Variants in E4F1 observed in about 807,000 individuals in gnomAD.
E4F1 encodes E4F transcription factor 1.
Under a neutral mutation model 72.9 loss-of-function variants are expected in E4F1, and 30 were observed. The observed-to-expected ratio is 0.41, with a 90% confidence interval of 0.31 to 0.56. E4F1 has a LOEUF of 0.56. Ranked by LOEUF, E4F1 falls within the 20% of genes least tolerant of loss-of-function variation. The pLI is 0.25. For synonymous variants in E4F1, 542 were observed against 478.2 expected, an observed-to-expected ratio of 1.13 and a Z score of -1.74; for missense variants, 1,091 against 1,117.5, an observed-to-expected ratio of 0.98 and a Z score of 0.34.
Position 2,232,287 on chromosome 16 carries a change from G to C in E4F1, c.532G>C (p.Glu178Gln), listed in dbSNP as rs755324797. 3.0e-5 allele frequency: 48 copies of C among 1,611,808 alleles called. No homozygotes were observed. The highest frequency in any genetic ancestry group is 6.7e-5 in the Admixed American group (4 of 59,874). ...QQGLGLAGEG[E>Q]QAQVKLLVNK... ...GGGGCTGGGGCTCGCAGGGGAGGGT[G>C]AGCAGGCCCAGGTGAAGCTACTGGT... The change falls in exon 4 of 14, where the codon GAG becomes CAG. Residue 178 changes from glutamate (E) to glutamine (Q), a missense_variant. Around this residue, in one of 5 missense-constraint regions of E4F1, gnomAD observed 362 missense variants for 358.6 expected, o/e 1.01. Coordinates refer to ENST00000301727, the MANE Select transcript of E4F1 (RefSeq NM_004424.5).
At position 2,233,003 on chromosome 16, in the gene E4F1, C is replaced by T. The variant is rs1297704409; in HGVS notation, c.884-8C>T. On this transcript the variant is annotated splice_polypyrimidine_tract_variant and splice_region_variant and intron_variant, in intron 6 of 13. Coordinates refer to ENST00000301727, the MANE Select transcript of E4F1 (RefSeq NM_004424.5). ...GAGGGATCTTCACTCCCTCACTCCA[C>T]CTTGAAGGTTCTGGAGCTGGAGCTG... The T allele has an allele frequency of 1.4e-5, 22 of 1,608,664 alleles. No individual in the cohort carries two copies. The highest frequency in any genetic ancestry group is 1.7e-5 in the Non-Finnish European group (20 of 1,176,408).
Position 2,234,001 on chromosome 16 carries a change from G to A in E4F1, c.1375+11G>A, listed in dbSNP as rs1274654076. 1.3e-6 allele frequency: 2 copies of A among 1,577,286 alleles called. No homozygotes were observed. The highest frequency in any genetic ancestry group is 1.7e-6 in the Non-Finnish European group (2 of 1,161,366). ...AGAGGGGCCACACCGGTAGGTGATGGGTGGGTGTGTGGCCCATGGCAGTGG... is the reference window on the plus strand; with the variant it reads ...AGAGGGGCCACACCGGTAGGTGATGAGTGGGTGTGTGGCCCATGGCAGTGG... On this transcript the variant is annotated intron_variant, in intron 9 of 13. Coordinates refer to ENST00000301727, the MANE Select transcript of E4F1 (RefSeq NM_004424.5).
intron 2 of E4F1, among the ~76,000 whole-genome samples, chr16:2,229,166 G>A (rs2093450456): frequency 6.6e-6 from 1 of 152,212 alleles, no homozygotes; most frequent in African/African-American, 2.4e-5. Flanking sequence ...CCCTCCTCCA[G>A]GAAGGCCTCT....
Position 2,234,726 on chromosome 16 carries a change from G to A in E4F1, c.1737G>A (p.Lys579=), listed in dbSNP as rs1465641400. 38 of 1,560,452 alleles carry A rather than the reference G, an allele frequency of 2.4e-5. No individual in the cohort carries two copies. Among genetic ancestry groups the A allele is most frequent in the Non-Finnish European group, 3.3e-5 (38 of 1,152,582 alleles). The change falls in exon 11 of 14, where the codon AAG becomes AAA. Residue 579 remains lysine, a synonymous_variant. Coordinates refer to ENST00000301727, the MANE Select transcript of E4F1 (RefSeq NM_004424.5). ...HTGEKPFKCY[K]CGRGFAEHGT... Reference sequence around the variant, plus strand: ...GCGAGAAGCCGTTCAAGTGCTACAAGTGCGGCCGTGGCTTCGCCGAGCACG... The same window carrying A: ...GCGAGAAGCCGTTCAAGTGCTACAAATGCGGCCGTGGCTTCGCCGAGCACG...
rs1167920915 is a variant in E4F1 at position 2,235,500 on chromosome 16, C to T, written c.2283C>T (p.Ile761=). Residue 761 remains isoleucine (I), a synonymous_variant, in exon 14 of 14, where the codon ATC becomes ATT. Coordinates refer to ENST00000301727, the MANE Select transcript of E4F1 (RefSeq NM_004424.5). ...VTMVSSEDIE[I]LEHAGELVIA... is the part of the protein sequence containing the mutation. ...TGGTGTCATCAGAGGACATCGAGAT[C>T]CTGGAGCATGCAGGCGAGCTGGTCA... is the stretch of plus-strand genomic sequence containing the variant. The T allele has an allele frequency of 1.9e-6, 3 of 1,610,258 alleles. No homozygotes were observed. Among genetic ancestry groups the T allele is most frequent in the Non-Finnish European group, 2.5e-6 (3 of 1,178,044 alleles).
intron 1 of E4F1, among the ~76,000 whole-genome samples, chr16:2,227,547 C>A (rs913343836): frequency 6.6e-6 from 1 of 152,032 alleles, no homozygotes; most frequent in Non-Finnish European, 1.5e-5. Flanking sequence ...AAGTTTTTTG[C>A]ATTTTTAGTA....
chr16:2,234,701 G>A lies in E4F1; in HGVS notation c.1712G>A (p.Gly571Asp). The A allele has an allele frequency of 6.4e-7, 1 of 1,571,574 alleles. No homozygotes were observed. The highest frequency in any genetic ancestry group is 8.6e-7 in the Non-Finnish European group (1 of 1,158,284). ...GTGCGGCACGTGCGACACCACACAG[G>A]CGAGAAGCCGTTCAAGTGCTACAAG... ...SLVRHVRHHT[G>D]EKPFKCYKCG... The change falls in exon 11 of 14, where the codon GGC becomes GAC. Residue 571 changes from glycine to aspartate, a missense_variant. Coordinates refer to ENST00000301727, the MANE Select transcript of E4F1 (RefSeq NM_004424.5).
In E4F1 at chr16:2,235,082, C is replaced by T; in HGVS notation, c.1937C>T (p.Ala646Val). Residue 646 changes from alanine to valine, a missense_variant and splice_region_variant, in exon 13 of 14, where the codon GCC (alanine) becomes GTC (valine). By Grantham distance (64) the Ala-to-Val change is moderately conservative. This residue lies in a region of E4F1 where 622 missense variants were observed against 628.0 expected (regional missense o/e 0.99). Coordinates refer to ENST00000301727, the MANE Select transcript of E4F1 (RefSeq NM_004424.5). ...CTGTCCTTCTGCCCATCTGCCCAGG[C>T]CACTGCGGACGATGCGGAGACCAGT... ...VADTQEYIIE[A>V]TADDAETSEA... The T allele has an allele frequency of 6.2e-7, 1 of 1,612,594 alleles. No individual in the cohort carries two copies. Among genetic ancestry groups the T allele is most frequent in the Non-Finnish European group, 8.5e-7 (1 of 1,179,960 alleles).
At position 2,232,328 on chromosome 16, in the gene E4F1, C is replaced by T; in HGVS notation, c.573C>T (p.Arg191=). The part of the protein sequence containing the change: ...QVKLLVNKDG[R]YVCALCHKTF... ...AGCTACTGGTGAACAAGGATGGCCG[C>T]TATGTGTGTGCGCTGTGCCACAAGA... The change falls in exon 4 of 14, where the codon CGC becomes CGT. Residue 191 remains arginine (R), a synonymous_variant. Transcript: ENST00000301727. 2 of 1,608,932 alleles carry T rather than the reference C, an allele frequency of 1.2e-6. No homozygotes were observed. The highest frequency in any genetic ancestry group is 1.7e-6 in the Non-Finnish European group (2 of 1,177,676).
chr16:2,228,290 A>G (rs746486192), intron 1 of E4F1, 82 bp from the exon 2 acceptor site: 8 of 1,569,264 alleles, frequency 5.1e-6, no homozygotes, highest in Non-Finnish European at 6.1e-6. Context: ...AATCTGTTCT[A>G]GGGCTGGAGG....
At chr16:2,230,125 C>T (rs1448364933) in intron 3 of E4F1, 2 of 186,398 alleles carry the variant, frequency 1.1e-5, no homozygotes, top group South Asian at 1.1e-4. Flanking sequence ...TAGCTGGGCT[C>T]GGACTTGCTG....
In E4F1 at chr16:2,232,380, G is replaced by A; in HGVS notation, c.609+16G>A. On this transcript the variant is annotated intron_variant, in intron 4 of 13. Transcript: ENST00000301727. ...CTTCAAGACGGTGAGCCGGCGTGCG[G>A]GGAGCCAGTGTGTGGGTGGCAGGCC... 1 of 1,601,420 alleles carries A rather than the reference G, an allele frequency of 6.2e-7. No individual in the cohort carries two copies. Among genetic ancestry groups the A allele is most frequent in the Non-Finnish European group, 8.5e-7 (1 of 1,172,274 alleles).
At chr16:2,228,622 G>A (rs2093446958) in intron 2 of E4F1, 99 bp downstream of exon 2, 3 of 1,441,852 alleles carry the variant, frequency 2.1e-6, no homozygotes, top group African/African-American at 1.4e-5. Flanking sequence ...GGTTCCGGGG[G>A]CCACGTGGGC....
chr16:2,227,700 C>G (rs2141441247), intron 1 of E4F1, among the ~76,000 whole-genome samples: 1 of 152,140 alleles, frequency 6.6e-6, no homozygotes, highest in Non-Finnish European at 1.5e-5. Flanking sequence ...GGGATTTCAC[C>G]ATATTGGTCA....
intron 8 of E4F1, 81 bp from the exon 9 acceptor site, chr16:2,233,801 G>C (rs980090385): frequency 6.4e-5 from 92 of 1,436,934 alleles, no homozygotes; most frequent in Middle Eastern, 2.1e-4. Flanking sequence ...AGCCTGCCAG[G>C]GTGGGGCCCA....
In E4F1 at chr16:2,234,284, G is replaced by A. The variant is rs750479852; in HGVS notation, c.1489G>A (p.Gly497Arg). 3.1e-6 allele frequency: 5 copies of A among 1,612,852 alleles called. No homozygotes were observed. Among genetic ancestry groups the A allele is most frequent in the East Asian group, 2.2e-5 (1 of 44,896 alleles). ...RERRFRCGDC[G>R]KLYKTIAHVR... is the part of the protein sequence containing the mutation. ...GCGCCGCTTCCGCTGTGGCGACTGCGGGAAGCTCTACAAGACCATTGCCCA... is the reference window on the plus strand; with the variant it reads ...GCGCCGCTTCCGCTGTGGCGACTGCAGGAAGCTCTACAAGACCATTGCCCA... The change falls in exon 10 of 14, where the codon GGG becomes AGG. Residue 497 changes from glycine (G) to arginine (R), a missense_variant. Gly to Arg is a moderately radical substitution (Grantham distance 125). Around this residue, in one of 5 missense-constraint regions of E4F1, gnomAD observed 622 missense variants for 628.0 expected, o/e 0.99. Transcript: ENST00000301727.
At chr16:2,224,832 T>C (rs1319113703) in intron 1 of E4F1, among the ~76,000 whole-genome samples, 1 of 151,426 alleles carries the variant, frequency 6.6e-6, no homozygotes, top group East Asian at 2.0e-4. Flanking sequence ...GTAGCAAGGG[T>C]TGGATTGGAT....
Position 2,223,725 on chromosome 16 carries a change from GC to G in E4F1, c.117del (p.Ser40AlafsTer143). On this transcript the variant is annotated frameshift_variant, in exon 1 of 14. Transcript: ENST00000301727. LOFTEE classifies it high-confidence loss of function. ...GAVAAVAAAL[A>X]PSGFLGLPAP... ...AGTTGCGGCGGTGGCGGCGGCCTTGGCCCCCAGCGGCTTCCTCGGCCTCCCG... is the reference window on the plus strand; with the variant it reads ...AGTTGCGGCGGTGGCGGCGGCCTTGGCCCCAGCGGCTTCCTCGGCCTCCCG... 6.5e-7 allele frequency: 1 copy of G among 1,544,474 alleles called. No individual in the cohort carries two copies.
In E4F1 at chr16:2,234,799, TGGGAGGGGGAG is replaced by T. The variant is rs1449516339; in HGVS notation, c.1792+28_1792+38del. The T allele has an allele frequency of 3.3e-6, 1 of 303,578 alleles. No homozygotes were observed. The highest frequency in any genetic ancestry group is 5.0e-6 in the Non-Finnish European group (1 of 200,896). The allele number at this position is 303,578 out of a possible 1,614,324, so 18.8% of individuals were successfully genotyped here. A position where few individuals can be genotyped will look rare whatever the true frequency, so the allele number is the denominator to read the frequency against. ...CACCAAAGGTCTGGGCCGGTGGAGGTGGGAGGGGGAGGGGAGGGGGCCGGGGCTTGCCTAGC... is the reference window on the plus strand; with the variant it reads ...CACCAAAGGTCTGGGCCGGTGGAGGTGGGAGGGGGCCGGGGCTTGCCTAGC... On this transcript the variant is annotated intron_variant, in intron 11 of 13. Coordinates refer to ENST00000301727, the MANE Select transcript of E4F1 (RefSeq NM_004424.5).
Sources: allele counts gnomAD v4.1 joint callset (sites outside exome capture counted in the v4.1 genomes callset), GRCh38; gene constraint gnomAD v4.1.1; regional missense constraint gnomAD v4.1.1; transcripts MANE v1.5; gene names NCBI Gene and HGNC (gene_info 2026-07-23, HGNC 2026-07-21).